Variants in F13A1 observed in about 807,000 individuals in gnomAD.
The protein encoded by F13A1 is coagulation factor XIII A chain.
F13A1 carries 47 observed loss-of-function variants against 80.1 expected under a neutral mutation model. The observed-to-expected ratio is 0.59, with a 90% CI of 0.46 to 0.75. F13A1 has a LOEUF of 0.75. F13A1 is among the 30% of genes least tolerant of loss of function. The pLI, the probability that F13A1 is intolerant of heterozygous loss-of-function variation, is 0.00. For missense variants in F13A1, 817 were observed against 930.4 expected, an observed-to-expected ratio of 0.88 and a Z score of 1.59; for synonymous variants, 349 against 344.9, an observed-to-expected ratio of 1.01 and a Z score of -0.13.
At chr6:6,174,454 G>A in intron 12 of F13A1, 126 bp downstream of exon 12, 4 of 1,044,276 alleles carry the variant, frequency 3.8e-6, no homozygotes, top group Non-Finnish European at 6.0e-6. Context: ...CTCCCTGTGA[G>A]GCTCACACTT....
chr6:6,211,825 C>T (rs1012286791), intron 8 of F13A1, among the ~76,000 whole-genome samples: 1 of 152,230 alleles, frequency 6.6e-6, no homozygotes, highest in Non-Finnish European at 1.5e-5. Flanking sequence ...GTGCGCGCAC[C>T]ATGCGCGAGC....
At chr6:6,311,530 A>AAG (rs1758594941) in intron 2 of F13A1, among the ~76,000 whole-genome samples, 1 of 149,000 alleles carries the variant, frequency 6.7e-6, no homozygotes, top group African/African-American at 2.4e-5. Flanking sequence ...GTCAAAAAAA[A>AAG]AAAGACAAAA....
chr6:6,220,779 G>GT (rs1388845768), intron 8 of F13A1, among the ~76,000 whole-genome samples: 1 of 152,110 alleles, frequency 6.6e-6, no homozygotes, highest in African/African-American at 2.4e-5. Context: ...CAGAGACAAG[G>GT]TTTTGTCTTA....
At chr6:6,290,484 A>G (rs111814962) in intron 3 of F13A1, among the ~76,000 whole-genome samples, 3 of 152,176 alleles carry the variant, frequency 2.0e-5, no homozygotes, top group African/African-American at 7.2e-5. Flanking sequence ...TAGTAGAACA[A>G]TTTTGGGAAT....
At chr6:6,158,680 G>A (rs1760520331) in intron 13 of F13A1, among the ~76,000 whole-genome samples, 1 of 152,178 alleles carries the variant, frequency 6.6e-6, no homozygotes. Flanking sequence ...GAGTGCAGGA[G>A]GCTGGAGAGA....
chr6:6,301,671 T>G (rs1450638441), intron 3 of F13A1, among the ~76,000 whole-genome samples: 1 of 152,206 alleles, frequency 6.6e-6, no homozygotes, highest in Non-Finnish European at 1.5e-5. Flanking sequence ...ACTTAAAATG[T>G]TCACTGTAAT....
intron 4 of F13A1, 69 bp downstream of exon 4, chr6:6,266,489 G>A (rs1490899855): frequency 8.7e-6 from 14 of 1,612,286 alleles, no homozygotes; most frequent in Non-Finnish European, 1.2e-5. Context: ...TGGGAGTATA[G>A]GCATGTGCCA....
intron 13 of F13A1, among the ~76,000 whole-genome samples, chr6:6,159,397 C>T (rs982183845): frequency 2.0e-5 from 3 of 152,120 alleles, no homozygotes; most frequent in African/African-American, 7.2e-5. Context: ...ATGAAAAGCT[C>T]CAGTTAGAAC....
chr6:6,283,648 T>A (rs1758096538), intron 3 of F13A1, among the ~76,000 whole-genome samples: 1 of 152,226 alleles, frequency 6.6e-6, no homozygotes, highest in Non-Finnish European at 1.5e-5. Flanking sequence ...TTTTGTACAA[T>A]TATCCTGTAT....
intron 9 of F13A1, 81 bp downstream of exon 9, chr6:6,197,142 T>A (rs1761305203): frequency 1.5e-5 from 21 of 1,359,572 alleles, no homozygotes; most frequent in Non-Finnish European, 2.2e-5. Context: ...TGGGCGTGGT[T>A]CCCACACATC....
chr6:6,293,409 G>A (rs1758252013), intron 3 of F13A1, among the ~76,000 whole-genome samples: 1 of 151,970 alleles, frequency 6.6e-6, no homozygotes, highest in Non-Finnish European at 1.5e-5. Context: ...TCCCCTCCTT[G>A]CCTTTCATGA....
rs1757508628 is a variant in F13A1 at position 6,243,228 on chromosome 6, G to GTCACCATCTCCA, written c.798+5072_798+5083dup. Among the ~76,000 whole-genome samples, 1 of 143,382 alleles carries GTCACCATCTCCA rather than the reference G, an allele frequency of 7.0e-6. No individual in the cohort carries two copies. Among genetic ancestry groups the GTCACCATCTCCA allele is most frequent in the African/African-American group, 2.6e-5 (1 of 38,446 alleles). 94.1% of individuals were successfully genotyped at this position (143,382 alleles called of 152,430 possible). A position where few individuals can be genotyped will look rare whatever the true frequency, so the allele number is the denominator to read the frequency against. On this transcript the variant is annotated intron_variant, in intron 6 of 14. Transcript: ENST00000264870. This position sits in a 1 kb window ranked among gnomAD's most constrained non-coding sequence, Gnocchi z 4.2. ...TCCTACCATCACCACCACCATCACC[G>GTCACCATCTCCA]TCACCATCTCCACCACCACCATCAC...
chr6:6,242,990 C>A (rs1387234460), intron 6 of F13A1, among the ~76,000 whole-genome samples: 1 of 152,204 alleles, frequency 6.6e-6, no homozygotes, highest in Non-Finnish European at 1.5e-5. Context: ...AGACTGTAAG[C>A]TTTGTGAAGG....
chr6:6,316,092 T>C lies in F13A1; in HGVS notation c.130+2443A>G, dbSNP rs1331820480. Among the ~76,000 whole-genome samples, 109 of 16,970 alleles carry C rather than the reference T, an allele frequency of 6.4e-3. 4 individuals carry two copies. The highest frequency in any genetic ancestry group is 0.025 in the East Asian group (10 of 408). 11.1% of individuals were successfully genotyped at this position (16,970 alleles called of 152,430 possible). A position where few individuals can be genotyped will look rare whatever the true frequency, so the allele number is the denominator to read the frequency against. On this transcript the variant is annotated intron_variant, in intron 2 of 14. Coordinates refer to ENST00000264870, the MANE Select transcript of F13A1 (RefSeq NM_000129.4). ...ATGTGTGTGTGCATATATATATATA[T>C]ATATATATATATATATATATATATA...
Position 6,151,842 on chromosome 6 carries a change from T to C in F13A1, c.2016A>G (p.Gly672=). The change falls in exon 14 of 15, where the codon GGA becomes GGG. Residue 672 remains glycine (G), a synonymous_variant. Transcript: ENST00000264870. ...ACATCTTCTTCATTGGTCTTGTTAC[T>C]CCAGGACCATCCAGGTGTACCCAGA... ...RNVWVHLDGP[G]VTRPMKKMFR... The C allele has an allele frequency of 1.9e-6, 3 of 1,614,086 alleles. No homozygotes were observed. Among genetic ancestry groups the C allele is most frequent in the Non-Finnish European group, 2.5e-6 (3 of 1,179,952 alleles).
intron 2 of F13A1, among the ~76,000 whole-genome samples, chr6:6,309,438 AG>A (rs1190414723): frequency 6.6e-6 from 1 of 152,162 alleles, no homozygotes; most frequent in Non-Finnish European, 1.5e-5. Context: ...CCATGTGGAA[AG>A]GGGGGTGGAG....
chr6:6,154,029 G>A (rs1039683085), intron 13 of F13A1, among the ~76,000 whole-genome samples: 2 of 151,652 alleles, frequency 1.3e-5, no homozygotes, highest in African/African-American at 4.8e-5. Context: ...GTTAAAGTCT[G>A]TCTAACTGGA....
chr6:6,244,334 T>C (rs1466780613), intron 6 of F13A1, among the ~76,000 whole-genome samples: 3 of 152,180 alleles, frequency 2.0e-5, no homozygotes, highest in Non-Finnish European at 4.4e-5. Flanking sequence ...GTGGGCAAGT[T>C]TCTTCATTTT....
chr6:6,210,858 A>G (rs958017678), intron 8 of F13A1, among the ~76,000 whole-genome samples: 13 of 152,120 alleles, frequency 8.5e-5, no homozygotes, highest in Non-Finnish European at 1.6e-4. Flanking sequence ...CCTCCCAAGT[A>G]GCGGGGATTA....
Sources: gnomAD v4.1 joint callset for allele counts (sites outside exome capture counted in the v4.1 genomes callset) on GRCh38, gnomAD v4.1.1 for gene constraint, Gnocchi (gnomAD v3.1) non-coding constraint, MANE v1.5 for transcripts, NCBI Gene and HGNC (gene_info 2026-07-23, HGNC 2026-07-21) for gene names.